The following CTNS variants were observed in gnomAD, a reference collection of about 807,000 sequenced individuals.
CTNS encodes the protein cystinosin.
CTNS carries 27 observed loss-of-function variants against 43.7 expected under a neutral mutation model. That is an observed-to-expected ratio of 0.62 (90% CI 0.46 to 0.85). The LOEUF is 0.85. CTNS is among the 40% of genes least tolerant of loss of function. The pLI, the probability that CTNS is intolerant of heterozygous loss-of-function variation, is 0.00. For synonymous variants in CTNS, 187 were observed against 190.6 expected, an observed-to-expected ratio of 0.98 and a Z score of 0.16; for missense variants, 457 against 475.4, an observed-to-expected ratio of 0.96 and a Z score of 0.36.
At chr17:3,642,021 G>A (rs595048) in intron 3 of CTNS, among the ~76,000 whole-genome samples, 71,936 of 149,496 alleles carry the variant, frequency 0.48, 18,268 homozygotes, top group Non-Finnish European at 0.56. Flanking sequence ...GAGTGTGCGC[G>A]CGCGTGTATT....
chr17:3,655,200 G>C (rs762012109), intron 6 of CTNS, 21 bp from the exon 7 acceptor site: 3 of 1,614,134 alleles, frequency 1.9e-6, no homozygotes, highest in Non-Finnish European at 1.7e-6. Flanking sequence ...AGCTCATCCC[G>C]GTCCCCAAAC....
intron 7 of CTNS, 140 bp downstream of exon 7, chr17:3,655,492 C>T (rs1597648792): frequency 9.8e-6 from 13 of 1,320,544 alleles, no homozygotes; most frequent in East Asian, 4.7e-5. Flanking sequence ...TGTCCCAGTG[C>T]GAAGGCTCGG....
At chr17:3,648,098 C>T (rs2075887735) in intron 4 of CTNS, among the ~76,000 whole-genome samples, 1 of 152,242 alleles carries the variant, frequency 6.6e-6, no homozygotes, top group Admixed American at 6.5e-5. Context: ...TGCCTCCCAG[C>T]CGTGAGGATT....
intron 5 of CTNS, chr17:3,650,333 A>G: frequency 1.3e-6 from 2 of 1,547,838 alleles, no homozygotes; most frequent in South Asian, 1.2e-5. Context: ...AAAATATAGC[A>G]TCGCTGGCTG....
At chr17:3,639,901 T>C (rs2150888116) in intron 2 of CTNS, among the ~76,000 whole-genome samples, 1 of 152,308 alleles carries the variant, frequency 6.6e-6, no homozygotes, top group South Asian at 2.1e-4. Context: ...ACTAAGTTTT[T>C]ACAAAAAGCA....
At chr17:3,648,153 C>T (rs2075889349) in intron 4 of CTNS, among the ~76,000 whole-genome samples, 2 of 152,218 alleles carry the variant, frequency 1.3e-5, no homozygotes, top group Non-Finnish European at 1.5e-5. Context: ...CTCTTTATGC[C>T]TTTCCCCCTT....
At chr17:3,652,184 G>GC in intron 5 of CTNS, among the ~76,000 whole-genome samples, 1 of 152,160 alleles carries the variant, frequency 6.6e-6, no homozygotes, top group Non-Finnish European at 1.5e-5. Flanking sequence ...AGGCCTGTGA[G>GC]CCTTGGGTAA....
intron 7 of CTNS, chr17:3,655,741 A>G (rs531917093): frequency 6.6e-4 from 216 of 327,696 alleles, no homozygotes; most frequent in African/African-American, 4.5e-3. Context: ...TGACTTGCAA[A>G]GACACAAGCT....
rs1157793608 is a variant in CTNS at position 3,660,422 on chromosome 17, G to A, written c.*53G>A. 4.3e-6 allele frequency: 7 copies of A among 1,613,738 alleles called. No individual in the cohort carries two copies. Among genetic ancestry groups the A allele is most frequent in the Non-Finnish European group, 5.9e-6 (7 of 1,180,044 alleles). ...CTGGCCTCGTGCCCTGCTGGGGAAG[G>A]CCTCACCCAGCGAAGGCCGGAGAAG... On this transcript the variant is annotated 3_prime_UTR_variant, in exon 12 of 12. Coordinates refer to ENST00000046640, the MANE Select transcript of CTNS (RefSeq NM_004937.3).
In CTNS at chr17:3,662,436, C is replaced by T. The variant is rs1218265672; in HGVS notation, c.*2067C>T. On this transcript the variant is annotated 3_prime_UTR_variant, in exon 12 of 12. Transcript: ENST00000046640. ...AGTCAGGTGCTCTCTGACTCACCCC[C>T]ATCTGGCCAGATCACGGCCCCCAGC... Among the ~76,000 whole-genome samples the T allele has an allele frequency of 6.6e-6, 1 of 152,168 alleles. No individual in the cohort carries two copies. Among genetic ancestry groups the T allele is most frequent in the Non-Finnish European group, 1.5e-5 (1 of 68,040 alleles).
chr17:3,655,423 G>C, intron 7 of CTNS, 71 bp downstream of exon 7: 2 of 1,594,990 alleles, frequency 1.3e-6, no homozygotes, highest in East Asian at 2.2e-5. Context: ...CAAGGCTGCC[G>C]ATAGCGCAGC....
chr17:3,654,209 C>A (rs1447744768), intron 5 of CTNS, among the ~76,000 whole-genome samples: 1 of 152,134 alleles, frequency 6.6e-6, no homozygotes, highest in Non-Finnish European at 1.5e-5. Context: ...TCATGGCAGC[C>A]CTGAAGGGTA....
rs1460393462 is a variant in CTNS, at chr17:3,662,006, G to C, written c.*1637G>C. The stretch of plus-strand genomic sequence containing the variant: ...TGGGTGCCCTACTTTAAAAATCAGA[G>C]ATTTCAAATGATTGACTTTTCCGGC... On this transcript the variant is annotated 3_prime_UTR_variant, in exon 12 of 12. Coordinates refer to ENST00000046640, the MANE Select transcript of CTNS (RefSeq NM_004937.3). Among the ~76,000 whole-genome samples the C allele has an allele frequency of 6.6e-6, 1 of 152,186 alleles. No homozygotes were observed. Among genetic ancestry groups the C allele is most frequent in the Non-Finnish European group, 1.5e-5 (1 of 68,024 alleles).
At chr17:3,648,822 G>A (rs747381682) in intron 4 of CTNS, 25 bp from the exon 5 acceptor site, 2 of 1,580,602 alleles carry the variant, frequency 1.3e-6, no homozygotes, top group Middle Eastern at 1.7e-4. Flanking sequence ...CTTCTCAGCA[G>A]TAATTAGACT....
chr17:3,656,724 AACG>A lies in CTNS; in HGVS notation c.614_616del (p.Asp205del), dbSNP rs760256854. The A allele has an allele frequency of 7.4e-6, 12 of 1,613,238 alleles. No individual in the cohort carries two copies. Among genetic ancestry groups the A allele is most frequent in the East Asian group, 4.5e-5 (2 of 44,780 alleles). ...CAACGGAGTGAACCCCGTGAACAGC[AACG>A]ACGTCTTCTTCAGCCTGCACGCGGT... is the stretch of plus-strand genomic sequence containing the variant. On this transcript the variant is annotated inframe_deletion, in exon 9 of 12. Coordinates refer to ENST00000046640, the MANE Select transcript of CTNS (RefSeq NM_004937.3).
chr17:3,637,004 T>C (rs1269710419), intron 1 of CTNS, 103 bp from the exon 2 acceptor site: 2 of 152,176 alleles, frequency 1.3e-5, no homozygotes, highest in African/African-American at 4.8e-5. Flanking sequence ...GCCCGAGCGG[T>C]GGTCAGCCGA....
At chr17:3,640,399 G>A (rs2075656405) in intron 3 of CTNS, 132 bp downstream of exon 3, 6 of 1,025,282 alleles carry the variant, frequency 5.9e-6, no homozygotes, top group South Asian at 1.3e-5. Flanking sequence ...TCTTGGCCAT[G>A]TGGCCACTGG....
chr17:3,648,792 G>A (rs2075905534), intron 4 of CTNS, 55 bp from the exon 5 acceptor site: 2 of 1,406,658 alleles, frequency 1.4e-6, no homozygotes, highest in Admixed American at 1.7e-5. Flanking sequence ...CAGAGGGTTG[G>A]TTGAGATCTC....
intron 3 of CTNS, among the ~76,000 whole-genome samples, chr17:3,644,316 G>C (rs2075796413): frequency 6.6e-6 from 1 of 152,224 alleles, no homozygotes; most frequent in African/African-American, 2.4e-5. Context: ...CAGCTAGGAA[G>C]TGTCAGAGCC....
Sources: allele counts gnomAD v4.1 joint callset (sites outside exome capture counted in the v4.1 genomes callset), GRCh38; gene constraint gnomAD v4.1.1; transcripts MANE v1.5; gene names NCBI Gene and HGNC (gene_info 2026-07-23, HGNC 2026-07-21).